The following OPCML variants were observed in gnomAD, a reference collection of about 807,000 sequenced individuals.
OPCML encodes the protein opioid binding protein/cell adhesion molecule like.
A neutral mutation model predicts 37.8 loss-of-function variants in OPCML; 13 were observed. The ratio of observed to expected loss-of-function variants is 0.34; its 90% CI spans 0.22 to 0.55. The LOEUF (loss-of-function observed/expected upper bound fraction) is 0.55, where lower values mean the gene tolerates loss of function less well. Among genes scored for constraint, OPCML ranks in the 20% least tolerant of loss-of-function variants. The pLI is 0.91. For missense variants in OPCML, 341 were observed against 435.6 expected, an observed-to-expected ratio of 0.78 and a Z score of 1.93; for synonymous variants, 176 against 168.8, an observed-to-expected ratio of 1.04 and a Z score of -0.33.
At chr11:132,701,247 A>G (rs574094380) in intron 2 of OPCML, among the ~76,000 whole-genome samples, 1 of 152,154 alleles carries the variant, frequency 6.6e-6, no homozygotes, top group Non-Finnish European at 1.5e-5. Context: ...GGTTTATAAA[A>G]CCATCAGATC....
chr11:132,598,453 A>G (rs900049537), intron 3 of OPCML, among the ~76,000 whole-genome samples: 1 of 152,150 alleles, frequency 6.6e-6, no homozygotes, highest in African/African-American at 2.4e-5. Flanking sequence ...TTTCCAACGC[A>G]CGCCATTTCT....
chr11:132,687,153 G>T (rs7928953), intron 2 of OPCML, among the ~76,000 whole-genome samples: 4 of 151,526 alleles, frequency 2.6e-5, no homozygotes, highest in Non-Finnish European at 4.4e-5. Context: ...TCAGGAAATC[G>T]TGTTACTCTC....
intron 1 of OPCML, chr11:133,006,528 T>TGTAA: frequency 2.0e-6 from 2 of 985,388 alleles, no homozygotes; most frequent in Non-Finnish European, 2.4e-6. Context: ...TTACCCCAAT[T>TGTAA]GTAACTAATA....
chr11:133,140,913 A>AGAC (rs1375300359), intron 1 of OPCML, among the ~76,000 whole-genome samples: 331 of 16,068 alleles, frequency 0.021, 45 homozygotes, highest in East Asian at 0.071. Flanking sequence ...ACGACGAAGA[A>AGAC]GAAGAAGACG....
At chr11:133,358,847 C>A (rs745476143) in intron 1 of OPCML, among the ~76,000 whole-genome samples, 5 of 152,232 alleles carry the variant, frequency 3.3e-5, no homozygotes, top group South Asian at 2.1e-4. Flanking sequence ...GTGTTCCCCC[C>A]ACCCCCGACC....
chr11:132,959,414 A>G (rs1268885430), intron 1 of OPCML, among the ~76,000 whole-genome samples: 1 of 152,262 alleles, frequency 6.6e-6, no homozygotes, highest in Non-Finnish European at 1.5e-5. Context: ...GAGTCAGAAT[A>G]TCCCATGAAC....
chr11:133,310,640 C>T (rs1335193499), intron 1 of OPCML, among the ~76,000 whole-genome samples: 1 of 152,054 alleles, frequency 6.6e-6, no homozygotes, highest in African/African-American at 2.4e-5. Context: ...CACTTCAGTC[C>T]CCTTTTATAA....
rs71477765 is a variant in OPCML at position 132,570,755 on chromosome 11, GTATATATATATATATATATATATATATA to G, written c.380-41597_380-41570del. Among the ~76,000 whole-genome samples, 26 of 30,114 alleles carry G rather than the reference GTATATATATATATATATATATATATATA, an allele frequency of 8.6e-4. 1 individual carries two copies. Among genetic ancestry groups the G allele is most frequent in the East Asian group, 4.3e-3 (4 of 940 alleles). 19.8% of individuals were successfully genotyped at this position (30,114 alleles called of 152,430 possible). A position where few individuals can be genotyped will look rare whatever the true frequency, so the allele number is the denominator to read the frequency against. On this transcript the variant is annotated intron_variant, in intron 3 of 7. Transcript: ENST00000524381. ...CTCAGGGGAATAGGCAGGAAAGAGA[GTATATATATATATATATATATATATATA>G]TATATATATATATATATATTTAGAG...
chr11:132,781,700 T>C (rs532132628), intron 2 of OPCML, among the ~76,000 whole-genome samples: 20 of 151,718 alleles, frequency 1.3e-4, no homozygotes, highest in African/African-American at 4.8e-4. Context: ...CAGTCAAAGC[T>C]GTGACTGATT....
intron 1 of OPCML, among the ~76,000 whole-genome samples, chr11:133,453,491 C>T (rs954405421): frequency 2.0e-5 from 3 of 152,140 alleles, no homozygotes; most frequent in Non-Finnish European, 2.9e-5. Context: ...CTTATTTCTC[C>T]TCTGACAAAT....
At chr11:132,642,423 G>A (rs1206976852) in intron 3 of OPCML, among the ~76,000 whole-genome samples, 1 of 151,332 alleles carries the variant, frequency 6.6e-6, no homozygotes, top group Non-Finnish European at 1.5e-5. Flanking sequence ...GAGAACAGAG[G>A]TATCACACAT....
At chr11:132,918,424 A>G (rs977377243) in intron 2 of OPCML, among the ~76,000 whole-genome samples, 6 of 152,188 alleles carry the variant, frequency 3.9e-5, no homozygotes, top group African/African-American at 1.4e-4. Flanking sequence ...CAGCACCTGT[A>G]CTGACTTCCA....
At chr11:133,439,167 G>T in intron 1 of OPCML, 1 of 469,060 alleles carries the variant, frequency 2.1e-6, no homozygotes, top group Non-Finnish European at 2.8e-6. Flanking sequence ...CTTGTGATTG[G>T]CACCCGAAGT....
intron 4 of OPCML, among the ~76,000 whole-genome samples, chr11:132,449,732 C>A (rs1042961163): frequency 6.6e-6 from 1 of 152,176 alleles, no homozygotes; most frequent in African/African-American, 2.4e-5. Flanking sequence ...GGCCTTTGCT[C>A]TGCCACTAAC....
intron 1 of OPCML, among the ~76,000 whole-genome samples, chr11:133,328,661 A>C (rs1183469586): frequency 6.6e-6 from 1 of 152,168 alleles, no homozygotes; most frequent in African/African-American, 2.4e-5. Context: ...CAATCTAAAA[A>C]ATGTTTTGAT....
At chr11:132,622,833 G>C (rs1939502451) in intron 3 of OPCML, among the ~76,000 whole-genome samples, 1 of 152,124 alleles carries the variant, frequency 6.6e-6, no homozygotes, top group Admixed American at 6.5e-5. Flanking sequence ...ACTAGTATTG[G>C]GGAAGCATCT....
chr11:133,173,906 G>A lies in OPCML; in HGVS notation c.62-230896C>T, dbSNP rs767134821. Among the ~76,000 whole-genome samples the A allele has an allele frequency of 9.9e-5, 15 of 152,152 alleles. No individual in the cohort carries two copies. Among genetic ancestry groups the A allele is most frequent in the Non-Finnish European group, 2.1e-4 (14 of 68,026 alleles). On this transcript the variant is annotated intron_variant, in intron 1 of 7. Transcript: ENST00000524381. This position sits in a 1 kb window ranked among gnomAD's most constrained non-coding sequence, Gnocchi z 7.8. ...TGAGGGCTGGAATGAAGATTGGACCGGGGCCGGCCGGCACTGGAGCAGCCC... is the reference window on the plus strand; with the variant it reads ...TGAGGGCTGGAATGAAGATTGGACCAGGGCCGGCCGGCACTGGAGCAGCCC...
chr11:132,658,552 C>A (rs1038618626), intron 2 of OPCML, among the ~76,000 whole-genome samples: 10 of 152,184 alleles, frequency 6.6e-5, no homozygotes, highest in African/African-American at 2.4e-4. Flanking sequence ...TAGGGCGGTC[C>A]TCTCCCTGGT....
intron 1 of OPCML, among the ~76,000 whole-genome samples, chr11:133,427,138 C>T (rs1471261913): frequency 6.6e-6 from 1 of 151,948 alleles, no homozygotes; most frequent in Non-Finnish European, 1.5e-5. Context: ...TAAAAACTTG[C>T]CTTCACTACA....
Sources: allele counts gnomAD v4.1 joint callset (sites outside exome capture counted in the v4.1 genomes callset), GRCh38; gene constraint gnomAD v4.1.1; non-coding constraint Gnocchi (gnomAD v3.1); transcripts MANE v1.5; gene names NCBI Gene and HGNC (gene_info 2026-07-23, HGNC 2026-07-21).